MYO3A: variants seen among roughly 807,000 people sequenced by gnomAD.
The protein encoded by MYO3A is myosin-IIIa.
In MYO3A, 180 loss-of-function variants were observed where a neutral mutation model predicts 192.7. That is an observed-to-expected ratio of 0.93 (90% CI 0.83 to 1.06). The LOEUF (loss-of-function observed/expected upper bound fraction) is 1.06. Ranked by LOEUF, MYO3A falls within the 50% of genes least tolerant of loss-of-function variation. The pLI is 0.00. For missense variants in MYO3A, 1,896 were observed against 1,905.0 expected, an observed-to-expected ratio of 1.00 and a Z score of 0.09; for synonymous variants, 628 against 645.3, an observed-to-expected ratio of 0.97 and a Z score of 0.41.
chr10:26,208,518 G>A (rs1303257980), intron 34 of MYO3A, among the ~76,000 whole-genome samples: 2 of 152,198 alleles, frequency 1.3e-5, no homozygotes, highest in African/African-American at 4.8e-5. Context: ...GCTTTGCAGT[G>A]TTGTCCTTAG....
intron 4 of MYO3A, 96 bp downstream of exon 4, chr10:25,955,104 C>A: frequency 6.6e-7 from 1 of 1,507,826 alleles, no homozygotes; most frequent in Non-Finnish European, 9.2e-7. Flanking sequence ...ATCATAAAAA[C>A]AGTTCTGATA....
chr10:25,941,756 AT>A (rs1239000840), intron 2 of MYO3A, among the ~76,000 whole-genome samples: 16 of 152,148 alleles, frequency 1.1e-4, no homozygotes, highest in Admixed American at 9.8e-4. Flanking sequence ...ATTCAACAAA[AT>A]TCCTGTTCTC....
At chr10:25,937,816 G>A (rs1374490395) in intron 2 of MYO3A, among the ~76,000 whole-genome samples, 2 of 152,156 alleles carry the variant, frequency 1.3e-5, no homozygotes, top group African/African-American at 4.8e-5. Context: ...GCAAATTGAA[G>A]GGAATAAAAC....
Position 26,174,030 on chromosome 10 carries a change from G to A in MYO3A, c.3766G>A (p.Ala1256Thr). Residue 1256 changes from alanine to threonine, a missense_variant, in exon 30 of 35, where the codon GCA becomes ACA. Physicochemically the swap from Ala to Thr is moderately conservative, Grantham distance 58 (BLOSUM62 0). Transcript: ENST00000642920. ...GAGGAATTGTGAAGAGTCAAAAGCAGCATATCTAGAAAGGAAGGCCATATC... is the reference window on the plus strand; with the variant it reads ...GAGGAATTGTGAAGAGTCAAAAGCAACATATCTAGAAAGGAAGGCCATATC... ...EERNCEESKA[A>T]YLERKAISER... 6.2e-7 allele frequency: 1 copy of A among 1,613,218 alleles called. No homozygotes were observed. The highest frequency in any genetic ancestry group is 8.5e-7 in the Non-Finnish European group (1 of 1,179,842).
chr10:26,181,014 A>C (rs1842596248), intron 31 of MYO3A, among the ~76,000 whole-genome samples: 1 of 152,150 alleles, frequency 6.6e-6, no homozygotes, highest in African/African-American at 2.4e-5. Flanking sequence ...TGCTATAATA[A>C]TTAAAATCAT....
chr10:26,151,249 C>T (rs1840772894), intron 23 of MYO3A, among the ~76,000 whole-genome samples: 1 of 152,014 alleles, frequency 6.6e-6, no homozygotes, highest in African/African-American at 2.4e-5. Flanking sequence ...TCTCCTGGTT[C>T]TATCAATTAC....
chr10:26,157,724 A>C (rs1841229198), intron 26 of MYO3A, among the ~76,000 whole-genome samples: 1 of 152,212 alleles, frequency 6.6e-6, no homozygotes, highest in African/African-American at 2.4e-5. Context: ...TGGTATAGGC[A>C]GCATGATCCA....
At chr10:26,148,674 A>G (rs1218798141) in intron 23 of MYO3A, among the ~76,000 whole-genome samples, 1 of 152,202 alleles carries the variant, frequency 6.6e-6, no homozygotes, top group African/African-American at 2.4e-5. Flanking sequence ...TCTCTCAGCA[A>G]CATTTTGTAG....
chr10:26,122,620 C>T (rs1838942601), intron 18 of MYO3A, among the ~76,000 whole-genome samples: 1 of 152,132 alleles, frequency 6.6e-6, no homozygotes, highest in African/African-American at 2.4e-5. Flanking sequence ...TTTTCCAGGT[C>T]ATTCTCCACA....
At chr10:26,179,088 A>ATTTTT (rs1564625505) in intron 31 of MYO3A, among the ~76,000 whole-genome samples, 2 of 60,874 alleles carry the variant, frequency 3.3e-5, no homozygotes, top group Non-Finnish European at 6.5e-5. Flanking sequence ...TGCCCAGCCT[A>ATTTTT]ATTTTTTTTT....
chr10:26,120,917 A>G (rs1838824940), intron 18 of MYO3A, 115 bp downstream of exon 18: 1 of 1,330,986 alleles, frequency 7.5e-7, no homozygotes. Flanking sequence ...CCTTAAAAGA[A>G]TACTCAGATT....
At position 26,186,740 on chromosome 10, in the gene MYO3A, T is replaced by A. The variant is rs373012664; in HGVS notation, c.4439-6465T>A. Among the ~76,000 whole-genome samples the A allele has an allele frequency of 3.4e-4, 52 of 152,214 alleles. 1 individual carries two copies. Among genetic ancestry groups the A allele is most frequent in the Admixed American group, 5.2e-4 (8 of 15,280 alleles). ...CTTGCTCACTTTTCATTGGTCTATA[T>A]TTTTGGTAGTCATTTGTTAGCACTC... On this transcript the variant is annotated intron_variant, in intron 31 of 34. Transcript: ENST00000642920.
intron 6 of MYO3A, among the ~76,000 whole-genome samples, chr10:26,005,294 A>C (rs981905186): frequency 6.6e-6 from 1 of 151,998 alleles, no homozygotes; most frequent in Non-Finnish European, 1.5e-5. Context: ...CAGTCTATAG[A>C]ACAACTGGCC....
At chr10:26,059,035 T>G (rs1834303236) in intron 10 of MYO3A, among the ~76,000 whole-genome samples, 1 of 152,198 alleles carries the variant, frequency 6.6e-6, no homozygotes. Flanking sequence ...ATATTAATCT[T>G]GTGTCTGAAA....
At chr10:25,969,232 A>G (rs1838464455) in intron 4 of MYO3A, among the ~76,000 whole-genome samples, 1 of 152,178 alleles carries the variant, frequency 6.6e-6, no homozygotes, top group South Asian at 2.1e-4. Flanking sequence ...GCAAGACTCC[A>G]TCTCTAAAAA....
chr10:26,031,841 A>G (rs1842814668), intron 10 of MYO3A, among the ~76,000 whole-genome samples: 1 of 152,186 alleles, frequency 6.6e-6, no homozygotes, highest in African/African-American at 2.4e-5. Context: ...TTTATTTTAT[A>G]TATCTTGAAC....
intron 17 of MYO3A, among the ~76,000 whole-genome samples, chr10:26,119,326 C>G (rs1418816494): frequency 6.6e-6 from 1 of 152,098 alleles, no homozygotes; most frequent in African/African-American, 2.4e-5. Flanking sequence ...GTCTGCCTCC[C>G]CACGGCCTGA....
At chr10:26,019,600 G>A (rs1027165383) in intron 7 of MYO3A, among the ~76,000 whole-genome samples, 1 of 152,236 alleles carries the variant, frequency 6.6e-6, no homozygotes, top group Non-Finnish European at 1.5e-5. Flanking sequence ...ACAGGCGTGA[G>A]CCACTGTACC....
At chr10:26,026,273 G>T in intron 9 of MYO3A, 104 bp from the exon 10 acceptor site, 1 of 1,358,114 alleles carries the variant, frequency 7.4e-7, no homozygotes, top group Non-Finnish European at 1.0e-6. Context: ...GAGCATTTAT[G>T]AGGAGCATCA....
Sources: allele counts gnomAD v4.1 joint callset (sites outside exome capture counted in the v4.1 genomes callset), GRCh38; gene constraint gnomAD v4.1.1; transcripts MANE v1.5; gene names NCBI Gene and HGNC (gene_info 2026-07-23, HGNC 2026-07-21).